LSAMP: variants seen among roughly 807,000 people sequenced by gnomAD.
LSAMP encodes limbic system associated membrane protein.
A neutral mutation model predicts 38.6 loss-of-function variants in LSAMP; 7 were observed. The ratio of observed to expected loss-of-function variants is 0.18; its 90% confidence interval spans 0.10 to 0.34. LSAMP has a LOEUF of 0.34. LSAMP is among the 10% of genes least tolerant of loss of function. The pLI is 1.00. For synonymous variants in LSAMP, 154 were observed against 166.8 expected, an observed-to-expected ratio of 0.92 and a Z score of 0.59; for missense variants, 313 against 420.0, an observed-to-expected ratio of 0.75 and a Z score of 2.23.
At chr3:115,811,106 C>A (rs1933815192) in intron 6 of LSAMP, among the ~76,000 whole-genome samples, 1 of 152,036 alleles carries the variant, frequency 6.6e-6, no homozygotes, top group Non-Finnish European at 1.5e-5. Context: ...ACAAACACAC[C>A]TAGAGAGGTT....
At chr3:115,831,866 A>G (rs1388119103) in intron 6 of LSAMP, among the ~76,000 whole-genome samples, 1 of 152,064 alleles carries the variant, frequency 6.6e-6, no homozygotes, top group Admixed American at 6.5e-5. Context: ...CTGGTTTTAT[A>G]TTTTGTTTTG....
chr3:116,267,406 T>A (rs2046906564), intron 1 of LSAMP, among the ~76,000 whole-genome samples: 1 of 152,154 alleles, frequency 6.6e-6, no homozygotes, highest in Admixed American at 6.6e-5. Flanking sequence ...AGTGCATTTG[T>A]ACAATGTTTC....
At chr3:116,304,628 A>T (rs1324488908) in intron 1 of LSAMP, among the ~76,000 whole-genome samples, 1 of 152,152 alleles carries the variant, frequency 6.6e-6, no homozygotes, top group Non-Finnish European at 1.5e-5. Flanking sequence ...AGGTGCATGG[A>T]AAGTCAGATG....
chr3:116,091,854 G>C (rs1002481083), intron 1 of LSAMP, among the ~76,000 whole-genome samples: 1 of 152,136 alleles, frequency 6.6e-6, no homozygotes, highest in East Asian at 1.9e-4. Context: ...ATATCCTTCC[G>C]CTTTGGGTGG....
At chr3:115,823,125 A>G (rs1266714974) in intron 6 of LSAMP, among the ~76,000 whole-genome samples, 1 of 152,270 alleles carries the variant, frequency 6.6e-6, no homozygotes, top group Non-Finnish European at 1.5e-5. Flanking sequence ...TGGATTAAAA[A>G]GAACACATCT....
intron 3 of LSAMP, among the ~76,000 whole-genome samples, chr3:115,931,614 A>G (rs937902898): frequency 1.3e-5 from 2 of 152,168 alleles, no homozygotes; most frequent in Non-Finnish European, 2.9e-5. Flanking sequence ...CTTTAAAACT[A>G]TGGAAAAGAT....
intron 2 of LSAMP, among the ~76,000 whole-genome samples, chr3:116,069,542 AGATACCACTTTCCTC>A (rs1383724265): frequency 6.8e-6 from 1 of 146,054 alleles, no homozygotes; most frequent in African/African-American, 2.5e-5. Context: ...TGGGTGTGAG[AGATACCACTTTCCTC>A]AGAAAAAAAA....
chr3:116,313,267 G>A (rs558180106), intron 1 of LSAMP, among the ~76,000 whole-genome samples: 1 of 152,296 alleles, frequency 6.6e-6, no homozygotes, highest in Admixed American at 6.5e-5. Flanking sequence ...AACAAAATGT[G>A]CCCTTCTGCT....
At chr3:115,830,795 A>G (rs994564876) in intron 6 of LSAMP, among the ~76,000 whole-genome samples, 2 of 152,130 alleles carry the variant, frequency 1.3e-5, no homozygotes, top group African/African-American at 4.8e-5. Context: ...CTCCCATTTT[A>G]CCTCTCATCC....
chr3:115,900,901 C>T (rs1371463168), intron 3 of LSAMP, among the ~76,000 whole-genome samples: 1 of 152,174 alleles, frequency 6.6e-6, no homozygotes, highest in Non-Finnish European at 1.5e-5. Context: ...TCTAAAGCAG[C>T]ACAAACAATT....
At chr3:116,385,317 T>C (rs180894016) in intron 1 of LSAMP, among the ~76,000 whole-genome samples, 1 of 152,298 alleles carries the variant, frequency 6.6e-6, no homozygotes, top group African/African-American at 2.4e-5. Flanking sequence ...CAGCAAGCTT[T>C]AAAGTGTTAT....
chr3:115,869,936 A>G (rs1431580657), intron 3 of LSAMP, among the ~76,000 whole-genome samples: 1 of 152,108 alleles, frequency 6.6e-6, no homozygotes, highest in Non-Finnish European at 1.5e-5. Context: ...ATTATAGAGC[A>G]GGGCTTGGCA....
At chr3:116,318,178 C>G (rs2047659002) in intron 1 of LSAMP, among the ~76,000 whole-genome samples, 1 of 151,302 alleles carries the variant, frequency 6.6e-6, no homozygotes, top group Non-Finnish European at 1.5e-5. Flanking sequence ...AACGTGCACT[C>G]TTATCTCTGA....
At chr3:116,359,511 T>C (rs978446491) in intron 1 of LSAMP, among the ~76,000 whole-genome samples, 5 of 152,222 alleles carry the variant, frequency 3.3e-5, no homozygotes, top group Admixed American at 3.3e-4. Flanking sequence ...AGTAGCTTTT[T>C]AGGAAACTTG....
At chr3:115,983,765 AT>A (rs1336230398) in intron 3 of LSAMP, among the ~76,000 whole-genome samples, 14 of 152,160 alleles carry the variant, frequency 9.2e-5, no homozygotes, top group Admixed American at 8.5e-4. Flanking sequence ...AACACAGATG[AT>A]TAACACGATA....
At chr3:116,260,033 A>G (rs555744528) in intron 1 of LSAMP, among the ~76,000 whole-genome samples, 74 of 152,086 alleles carry the variant, frequency 4.9e-4, no homozygotes, top group Non-Finnish European at 9.1e-4. Flanking sequence ...TTTCCCAAGT[A>G]TGTTCCTTGG....
At chr3:116,022,601 G>GT (rs2107691440) in intron 2 of LSAMP, among the ~76,000 whole-genome samples, 1 of 152,204 alleles carries the variant, frequency 6.6e-6, no homozygotes, top group African/African-American at 2.4e-5. Context: ...AAACTTGACT[G>GT]TTTTTCCTCT....
chr3:116,028,861 C>T (rs904245963), intron 2 of LSAMP, among the ~76,000 whole-genome samples: 1 of 151,942 alleles, frequency 6.6e-6, no homozygotes, highest in Non-Finnish European at 1.5e-5. Flanking sequence ...CAATAAATTA[C>T]CCCAAAGATA....
intron 3 of LSAMP, among the ~76,000 whole-genome samples, chr3:115,890,530 G>T (rs1169075875): frequency 6.6e-6 from 1 of 151,882 alleles, no homozygotes; most frequent in Non-Finnish European, 1.5e-5. Flanking sequence ...CTCACAGCCG[G>T]TTGAAGTTGA....
Sources: allele counts gnomAD v4.1 joint callset (sites outside exome capture counted in the v4.1 genomes callset), GRCh38; gene constraint gnomAD v4.1.1; transcripts MANE v1.5; gene names NCBI Gene and HGNC (gene_info 2026-07-23, HGNC 2026-07-21).